OBP2A: variants seen among roughly 807,000 people sequenced by gnomAD.
OBP2A encodes the protein odorant-binding protein 2a.
Under a neutral mutation model 21.9 loss-of-function variants are expected in OBP2A, and 15 were observed. That is an observed-to-expected ratio of 0.69 (90% CI 0.46 to 1.06). The LOEUF is 1.06. Ranked by LOEUF, OBP2A falls within the 50% of genes least tolerant of loss-of-function variation. The pLI is 0.00. For synonymous variants in OBP2A, 86 were observed against 91.8 expected, an observed-to-expected ratio of 0.94 and a Z score of 0.36; for missense variants, 192 against 220.1, an observed-to-expected ratio of 0.87 and a Z score of 0.81.
chr9:135,548,208 C>A (rs1832003491), intron 4 of OBP2A, among the ~76,000 whole-genome samples: 1 of 152,176 alleles, frequency 6.6e-6, no homozygotes, highest in Non-Finnish European at 1.5e-5. Context: ...CATGAACCTG[C>A]CAAGGGCCGC....
At chr9:135,546,681 C>A (rs1363550434) in intron 1 of OBP2A, 97 bp from the exon 2 acceptor site, 33 of 1,521,060 alleles carry the variant, frequency 2.2e-5, no homozygotes, top group Non-Finnish European at 2.7e-5. Context: ...GGCAGCCGGG[C>A]ACCATGGGTG....
chr9:135,548,021 T>C, intron 4 of OBP2A, 40 bp downstream of exon 4: 1 of 1,424,920 alleles, frequency 7.0e-7, no homozygotes, highest in South Asian at 1.3e-5. Flanking sequence ...TGCCCCATGG[T>C]CTCTGCCTCC....
rs562114488 is a variant in OBP2A, at chr9:135,547,733, G to A, written c.278-138G>A. 158 of 655,892 alleles carry A rather than the reference G, an allele frequency of 2.4e-4. No homozygotes were observed. The Middle Eastern group carries it at 6.3e-3, about 26-fold the overall frequency. 40.6% of individuals were successfully genotyped at this position (655,892 alleles called of 1,614,324 possible). A position where few individuals can be genotyped will look rare whatever the true frequency, so the allele number is the denominator to read the frequency against. Reference sequence around the variant, plus strand: ...CTCCGTGTCCGGGTCCATGCTGTGCGGAGCAGCCAGGCCTGGCTCAGGCTG... The same window carrying A: ...CTCCGTGTCCGGGTCCATGCTGTGCAGAGCAGCCAGGCCTGGCTCAGGCTG... On this transcript the variant is annotated intron_variant, in intron 3 of 6. Transcript: ENST00000371776.
chr9:135,548,734 G>A lies in OBP2A; in HGVS notation c.415G>A (p.Ala139Thr), dbSNP rs1269041056. ...VGRNPNTNLE[A>T]LEEFKKLVQH... ...TAGGAATCCTAATACCAACCTGGAG[G>A]CCCTGGAAGAATTTAAGAAATTGGT... is the stretch of plus-strand genomic sequence containing the variant. The change falls in exon 5 of 7, where the codon GCC becomes ACC. Residue 139 changes from alanine (A) to threonine (T), a missense_variant. Physicochemically the swap from Ala to Thr is moderately conservative, Grantham distance 58. Coordinates refer to ENST00000371776, the MANE Select transcript of OBP2A (RefSeq NM_014582.3). The A allele has an allele frequency of 6.2e-7, 1 of 1,613,936 alleles. No homozygotes were observed. The highest frequency in any genetic ancestry group is 1.3e-5 in the African/African-American group (1 of 74,912).
At chr9:135,548,114 C>T in intron 4 of OBP2A, 133 bp downstream of exon 4, 1 of 623,288 alleles carries the variant, frequency 1.6e-6, no homozygotes. Flanking sequence ...GTGCTAGGCA[C>T]CAAGCGCTGC....
At chr9:135,547,390 G>T (rs1423160652) in intron 3 of OBP2A, 142 bp downstream of exon 3, 2 of 992,354 alleles carry the variant, frequency 2.0e-6, no homozygotes, top group Non-Finnish European at 3.1e-6. Flanking sequence ...TCTCCTTCCT[G>T]GGGGGCTGGT....
In OBP2A at chr9:135,548,830, T is replaced by C. The variant is rs754909362; in HGVS notation, c.490+21T>C. ...GACGGGTGAGGACGGCTGTGCCCAG[T>C]ACCCCGTGTTCCCCTGTGTCTCTGT... On this transcript the variant is annotated intron_variant, in intron 5 of 6. Coordinates refer to ENST00000371776, the MANE Select transcript of OBP2A (RefSeq NM_014582.3). The C allele has an allele frequency of 3.7e-6, 6 of 1,611,990 alleles. No individual in the cohort carries two copies. In the African/African-American group the frequency reaches 4.0e-5, roughly 11 times the overall value.
In OBP2A at chr9:135,547,180, G is replaced by A. The variant is rs566194944; in HGVS notation, c.209G>A (p.Arg70Lys). Reference protein sequence around the residue: ...GNLEATFTFMREDRCIQKKIL... With the variant: ...GNLEATFTFMKEDRCIQKKIL... ...CCCGAGTGTCTCCTGTTTTCCAGGA[G>A]GGAGGATCGGTGCATCCAGAAGAAA... Residue 70 changes from arginine (R) to lysine (K), a missense_variant and splice_region_variant, in exon 3 of 7, where the codon AGG (arginine) becomes AAG (lysine). Physicochemically the swap from Arg to Lys is conservative, Grantham distance 26. Transcript: ENST00000371776. 1.2e-3 allele frequency: 1,933 copies of A among 1,612,360 alleles called. 36 individuals carry two copies. In the South Asian group the frequency reaches 0.02, roughly 17 times the overall value.
chr9:135,548,107 C>A, intron 4 of OBP2A, 126 bp downstream of exon 4: 1 of 665,342 alleles, frequency 1.5e-6, no homozygotes, highest in South Asian at 2.1e-5. Flanking sequence ...CCTTCGTGTG[C>A]TAGGCACCAA....
intron 4 of OBP2A, 30 bp downstream of exon 4, chr9:135,548,011 T>A: frequency 6.8e-7 from 1 of 1,473,556 alleles, no homozygotes; most frequent in East Asian, 2.3e-5. Context: ...CTGCATGTCC[T>A]GCCCCATGGT....
chr9:135,546,969 A>C (rs1588162368), intron 2 of OBP2A, 58 bp downstream of exon 2: 2 of 1,602,714 alleles, frequency 1.2e-6, no homozygotes, highest in Non-Finnish European at 1.7e-6. Flanking sequence ...CCCCAGACCC[A>C]CCTGGTGCCC....
chr9:135,548,141 A>T (rs1320336850), intron 4 of OBP2A, among the ~76,000 whole-genome samples, 160 bp downstream of exon 4: 1 of 152,214 alleles, frequency 6.6e-6, no homozygotes. Context: ...TGGCTGGTCC[A>T]AGTTCCTGAA....
intron 1 of OBP2A, among the ~76,000 whole-genome samples, 166 bp downstream of exon 1, chr9:135,546,418 G>A (rs62578294): frequency 2.0e-5 from 3 of 151,072 alleles, no homozygotes; most frequent in South Asian, 2.1e-4. Flanking sequence ...CAGCAGACAC[G>A]GCCCCCCGAG....
chr9:135,546,729 G>T (rs748436178), intron 1 of OBP2A, 49 bp from the exon 2 acceptor site: 4 of 1,554,976 alleles, frequency 2.6e-6, no homozygotes, highest in Non-Finnish European at 3.5e-6. Flanking sequence ...CAGGGTCAGA[G>T]TAGAATCTGG....
At position 135,546,849 on chromosome 9, in the gene OBP2A, G is replaced by T. The variant is rs1440999264; in HGVS notation, c.144G>T (p.Lys48Asn). Residue 48 changes from lysine to asparagine, a missense_variant, in exon 2 of 7, where the codon AAG becomes AAT. By Grantham distance (94) the Lys-to-Asn change is moderately conservative. Coordinates refer to ENST00000371776, the MANE Select transcript of OBP2A (RefSeq NM_014582.3). ...KDFPEDRRPRKVSPVKVTALG... is the reference protein window; with the variant it reads ...KDFPEDRRPRNVSPVKVTALG... ...TTCCGGAGGACAGGAGGCCCAGGAAGGTGTCCCCAGTGAAGGTGACAGCCC... is the reference window on the plus strand; with the variant it reads ...TTCCGGAGGACAGGAGGCCCAGGAATGTGTCCCCAGTGAAGGTGACAGCCC... 1 of 1,613,720 alleles carries T rather than the reference G, an allele frequency of 6.2e-7. No homozygotes were observed.
intron 4 of OBP2A, 121 bp from the exon 5 acceptor site, chr9:135,548,587 T>C: frequency 6.9e-7 from 1 of 1,445,608 alleles, no homozygotes. Flanking sequence ...TGAGCTCTGA[T>C]CCACTCTCGG....
chr9:135,549,911 C>T lies in OBP2A; in HGVS notation c.*76C>T, dbSNP rs554021829. On this transcript the variant is annotated 3_prime_UTR_variant, in exon 7 of 7. Coordinates refer to ENST00000371776, the MANE Select transcript of OBP2A (RefSeq NM_014582.3). ...GCCCGGACCACCTGGACCTACCCTC[C>T]AGCCATGACCCTTCCCTGCTCCCAC... 1.6e-5 allele frequency: 24 copies of T among 1,547,836 alleles called. No homozygotes were observed. The East Asian group carries it at 4.4e-4, about 29-fold the overall frequency.
chr9:135,546,258 C>G lies in OBP2A; in HGVS notation c.72+6C>G. The G allele has an allele frequency of 6.7e-7, 1 of 1,500,864 alleles. No individual in the cohort carries two copies. Among genetic ancestry groups the G allele is most frequent in the Non-Finnish European group, 9.2e-7 (1 of 1,092,614 alleles). 93.0% of individuals were successfully genotyped at this position (1,500,864 alleles called of 1,614,324 possible). Reference sequence around the variant, plus strand: ...TCACCCTGGAGGAGGAGGATGTGAGCTGGGTTGGCGTGGGCGGATGGAGGA... The same window carrying G: ...TCACCCTGGAGGAGGAGGATGTGAGGTGGGTTGGCGTGGGCGGATGGAGGA... On this transcript the variant is annotated splice_donor_region_variant and intron_variant, in intron 1 of 6. Transcript: ENST00000371776.
intron 1 of OBP2A, among the ~76,000 whole-genome samples, 200 bp from the exon 2 acceptor site, chr9:135,546,578 C>T (rs992619710): frequency 4.6e-5 from 7 of 151,912 alleles, no homozygotes; most frequent in African/African-American, 7.3e-5. Flanking sequence ...CCTCCTTCCA[C>T]TGGGGGCTGG....
Sources: allele counts gnomAD v4.1 joint callset (sites outside exome capture counted in the v4.1 genomes callset), GRCh38; gene constraint gnomAD v4.1.1; transcripts MANE v1.5; gene names NCBI Gene and HGNC (gene_info 2026-07-23, HGNC 2026-07-21).